Variants in CFAP299 observed in about 807,000 individuals in gnomAD.
CFAP299 encodes the protein cilia and flagella associated protein 299, also known as cilia- and flagella-associated protein 299.
A neutral mutation model predicts 27.0 loss-of-function variants in CFAP299; 21 were observed. The ratio of observed to expected loss-of-function variants is 0.78; its 90% CI spans 0.55 to 1.12. CFAP299 has a LOEUF of 1.12. Ranked by LOEUF, CFAP299 falls within the 50% of genes most tolerant of loss-of-function variation. The pLI is 0.00. For missense variants in CFAP299, 310 were observed against 276.6 expected (o/e 1.12, Z -0.86); for synonymous variants, 104 against 98.1 (o/e 1.06, Z -0.36).
intron 3 of CFAP299, among the ~76,000 whole-genome samples, chr4:80,837,202 CAG>C (rs1730610463): frequency 6.6e-6 from 1 of 152,106 alleles, no homozygotes; most frequent in Non-Finnish European, 1.5e-5. Flanking sequence ...TTAGAGGTCA[CAG>C]ATATTTTACC....
At chr4:80,832,883 A>G (rs1440997090) in intron 3 of CFAP299, among the ~76,000 whole-genome samples, 1 of 152,146 alleles carries the variant, frequency 6.6e-6, no homozygotes, top group Admixed American at 6.6e-5. Flanking sequence ...GAAATTTGCA[A>G]TAATTGTTAC....
At chr4:80,651,062 A>G (rs1740251542) in intron 3 of CFAP299, among the ~76,000 whole-genome samples, 1 of 152,142 alleles carries the variant, frequency 6.6e-6, no homozygotes, top group Non-Finnish European at 1.5e-5. Context: ...GTTTACAATT[A>G]TTAGTGATTT....
intron 5 of CFAP299, among the ~76,000 whole-genome samples, chr4:80,951,998 G>A (rs1309901137): frequency 6.6e-6 from 1 of 152,164 alleles, no homozygotes; most frequent in Admixed American, 6.5e-5. Flanking sequence ...GGGGGCCAGA[G>A]AGTGGGCGAG....
At chr4:80,623,374 C>T (rs1271339087) in intron 3 of CFAP299, among the ~76,000 whole-genome samples, 9 of 151,864 alleles carry the variant, frequency 5.9e-5, no homozygotes, top group Non-Finnish European at 1.3e-4. Context: ...AATTATGAAA[C>T]AAAAAGGCAG....
At position 80,963,700 on chromosome 4, in the gene CFAP299, G is replaced by T; in HGVS notation, c.*88G>T. 1.3e-6 allele frequency: 1 copy of T among 776,124 alleles called. No homozygotes were observed. The highest frequency in any genetic ancestry group is 2.1e-6 in the Non-Finnish European group (1 of 475,492). 48.1% of individuals were successfully genotyped at this position (776,124 alleles called of 1,614,324 possible). A position where few individuals can be genotyped will look rare whatever the true frequency, so the allele number is the denominator to read the frequency against. On this transcript the variant is annotated 3_prime_UTR_variant, in exon 6 of 6. Coordinates refer to ENST00000358105, the MANE Select transcript of CFAP299 (RefSeq NM_152770.3). ...ATTAGAATAATAAATGAGCCCTGTAGCTGGAAGGCAAATTAGAACAATAAA... is the reference window on the plus strand; with the variant it reads ...ATTAGAATAATAAATGAGCCCTGTATCTGGAAGGCAAATTAGAACAATAAA...
intron 3 of CFAP299, among the ~76,000 whole-genome samples, chr4:80,740,346 A>G (rs1724181788): frequency 6.6e-6 from 1 of 152,216 alleles, no homozygotes; most frequent in African/African-American, 2.4e-5. Context: ...TCCAAACCCA[A>G]TAACACTATG....
intron 4 of CFAP299, among the ~76,000 whole-genome samples, chr4:80,912,406 A>G (rs1735522368): frequency 6.6e-6 from 1 of 152,124 alleles, no homozygotes; most frequent in Non-Finnish European, 1.5e-5. Flanking sequence ...GCATGGCCTA[A>G]GAGAGACCTT....
chr4:80,447,134 T>G (rs1560571620), intron 2 of CFAP299, among the ~76,000 whole-genome samples: 3 of 118,924 alleles, frequency 2.5e-5, no homozygotes, highest in East Asian at 2.4e-4. Flanking sequence ...TTTTTTGTTT[T>G]TTTTTTTTTT....
At chr4:80,560,350 A>G (rs953876003) in intron 2 of CFAP299, among the ~76,000 whole-genome samples, 1 of 152,022 alleles carries the variant, frequency 6.6e-6, no homozygotes, top group African/African-American at 2.4e-5. Flanking sequence ...GAGCCTCTAG[A>G]CTTGCTGGCT....
intron 3 of CFAP299, among the ~76,000 whole-genome samples, chr4:80,756,146 T>C (rs943987308): frequency 1.3e-5 from 2 of 152,170 alleles, no homozygotes; most frequent in African/African-American, 2.4e-5. Flanking sequence ...GAAAAACTAA[T>C]TAGTATAATA....
chr4:80,871,725 C>T (rs1733107420), intron 4 of CFAP299: 3 of 732,242 alleles, frequency 4.1e-6, no homozygotes, highest in Admixed American at 1.3e-4. Flanking sequence ...TCTCATTTCA[C>T]CTGCAAACAC....
intron 2 of CFAP299, among the ~76,000 whole-genome samples, chr4:80,565,213 A>C (rs1735221199): frequency 6.6e-6 from 1 of 152,028 alleles, no homozygotes; most frequent in South Asian, 2.1e-4. Context: ...TATTTTTCGT[A>C]GCAAATAAGG....
At chr4:80,414,064 CTTTTTTTT>C in intron 2 of CFAP299, among the ~76,000 whole-genome samples, 1 of 62,450 alleles carries the variant, frequency 1.6e-5, no homozygotes, top group Admixed American at 2.3e-4. Flanking sequence ...ATGGGTATTT[CTTTTTTTT>C]TTTTTTTTTT....
chr4:80,698,723 G>C (rs1721272858), intron 3 of CFAP299, among the ~76,000 whole-genome samples: 1 of 152,214 alleles, frequency 6.6e-6, no homozygotes, highest in Admixed American at 6.5e-5. Context: ...GAAACTTACA[G>C]TCATGGTGGA....
At chr4:80,716,766 A>G (rs1255170558) in intron 3 of CFAP299, among the ~76,000 whole-genome samples, 1 of 152,116 alleles carries the variant, frequency 6.6e-6, no homozygotes, top group African/African-American at 2.4e-5. Flanking sequence ...GAATCTGAAT[A>G]TGTATATACA....
At chr4:80,841,449 G>A (rs556223179) in intron 3 of CFAP299, among the ~76,000 whole-genome samples, 1 of 152,036 alleles carries the variant, frequency 6.6e-6, no homozygotes, top group East Asian at 1.9e-4. Context: ...TGACTATATT[G>A]TTATGCTGCC....
At chr4:80,578,430 G>T (rs964876870) in intron 2 of CFAP299, among the ~76,000 whole-genome samples, 1 of 152,026 alleles carries the variant, frequency 6.6e-6, no homozygotes, top group Non-Finnish European at 1.5e-5. Flanking sequence ...CTCTGCTTCG[G>T]ATAGCTTTGG....
intron 3 of CFAP299, among the ~76,000 whole-genome samples, chr4:80,809,417 T>C (rs554043124): frequency 6.6e-6 from 1 of 152,264 alleles, no homozygotes; most frequent in East Asian, 1.9e-4. Context: ...TTGGTGATGA[T>C]GTTTTATACT....
At position 80,377,249 on chromosome 4, in the gene CFAP299, G is replaced by C. The variant is rs369601543; in HGVS notation, c.242+14365G>C. On this transcript the variant is annotated intron_variant, in intron 2 of 5. Transcript: ENST00000358105. ...TTCTTTTAAAACTTTAGAGTTCTAG[G>C]TTTCACATTTAAGTTTGTATTAATA... 9.2e-5 allele frequency among the ~76,000 whole-genome samples: 14 copies of C among 151,986 alleles called. No homozygotes were observed. In the East Asian group the frequency reaches 1.7e-3, roughly 19 times the overall value.
Sources: gnomAD v4.1 joint callset for allele counts (sites outside exome capture counted in the v4.1 genomes callset) on GRCh38, gnomAD v4.1.1 for gene constraint, MANE v1.5 for transcripts, NCBI Gene and HGNC (gene_info 2026-07-23, HGNC 2026-07-21) for gene names.